Variants in AGBL4 observed in about 807,000 individuals in gnomAD.
AGBL4 encodes cytosolic carboxypeptidase 6.
AGBL4 carries 58 observed loss-of-function variants against 66.4 expected under a neutral mutation model. That is an observed-to-expected ratio of 0.87 (90% CI 0.71 to 1.09). The LOEUF is 1.09. Ranked by LOEUF, AGBL4 falls within the 50% of genes least tolerant of loss-of-function variation. AGBL4 has a pLI of 0.00. For synonymous variants in AGBL4, 234 were observed against 222.9 expected (o/e 1.05, Z -0.44); for missense variants, 579 against 631.0 (o/e 0.92, Z 0.88).
At chr1:49,478,997 T>A (rs1173486053) in intron 3 of AGBL4, among the ~76,000 whole-genome samples, 2 of 151,284 alleles carry the variant, frequency 1.3e-5, no homozygotes, top group East Asian at 3.9e-4. Flanking sequence ...ACATAAAAAA[T>A]AAAAAGCAAA....
intron 6 of AGBL4, 111 bp downstream of exon 6, chr1:48,867,080 C>T (rs898279258): frequency 6.7e-6 from 8 of 1,191,152 alleles, no homozygotes; most frequent in African/African-American, 4.6e-5. Context: ...AGAGTTCTGC[C>T]GTTCATTCAG....
At chr1:49,970,244 A>G (rs914276634) in intron 1 of AGBL4, among the ~76,000 whole-genome samples, 1 of 152,178 alleles carries the variant, frequency 6.6e-6, no homozygotes, top group Admixed American at 6.5e-5. Context: ...GGAAAAATAG[A>G]CAAATAGGAC....
intron 3 of AGBL4, among the ~76,000 whole-genome samples, chr1:49,393,828 A>G (rs960456939): frequency 6.6e-6 from 1 of 152,204 alleles, no homozygotes; most frequent in African/African-American, 2.4e-5. Flanking sequence ...GGATACATCT[A>G]TGACAGAGAA....
At chr1:49,884,537 T>C (rs1647807090) in intron 1 of AGBL4, among the ~76,000 whole-genome samples, 1 of 151,858 alleles carries the variant, frequency 6.6e-6, no homozygotes, top group African/African-American at 2.4e-5. Flanking sequence ...TGAAAAGTAA[T>C]GTAAAGTAAC....
chr1:49,312,267 A>G (rs1167699937), intron 3 of AGBL4, among the ~76,000 whole-genome samples: 1 of 152,068 alleles, frequency 6.6e-6, no homozygotes, highest in Non-Finnish European at 1.5e-5. Flanking sequence ...CCCTTCTGCC[A>G]TGTGAGGACA....
intron 3 of AGBL4, among the ~76,000 whole-genome samples, chr1:49,295,056 T>C (rs1318900563): frequency 6.6e-6 from 1 of 152,224 alleles, no homozygotes; most frequent in Non-Finnish European, 1.5e-5. Flanking sequence ...ATAAATAAAT[T>C]AATTGAATGT....
chr1:49,511,177 TCA>T (rs1649208874), intron 3 of AGBL4, among the ~76,000 whole-genome samples: 1 of 151,760 alleles, frequency 6.6e-6, no homozygotes, highest in Admixed American at 6.6e-5. Flanking sequence ...GCAGCATTAT[TCA>T]CAATAGCAAA....
At chr1:49,984,752 T>C (rs935580363) in intron 1 of AGBL4, among the ~76,000 whole-genome samples, 1 of 152,090 alleles carries the variant, frequency 6.6e-6, no homozygotes, top group Non-Finnish European at 1.5e-5. Flanking sequence ...ATATAAGATA[T>C]TACATAATTG....
intron 6 of AGBL4, among the ~76,000 whole-genome samples, chr1:48,760,458 G>T (rs560229424): frequency 1.3e-5 from 2 of 152,158 alleles, no homozygotes; most frequent in Admixed American, 1.3e-4. Flanking sequence ...TGACAAAATC[G>T]TAAGTCGTTT....
intron 1 of AGBL4, among the ~76,000 whole-genome samples, chr1:49,879,552 C>T (rs200814431): frequency 0.044 from 6,487 of 146,996 alleles, 136 homozygotes; most frequent in East Asian, 0.14. Context: ...ATGGGCTTCC[C>T]TTTGAGGGTA....
chr1:49,452,023 C>A (rs75969515), intron 3 of AGBL4, among the ~76,000 whole-genome samples: 131 of 151,956 alleles, frequency 8.6e-4, no homozygotes, highest in African/African-American at 3.1e-3. Context: ...CAATACTAAA[C>A]CTTCACCCAA....
intron 1 of AGBL4, among the ~76,000 whole-genome samples, chr1:50,011,934 T>C (rs995092199): frequency 1.3e-5 from 2 of 150,116 alleles, no homozygotes; most frequent in Admixed American, 6.6e-5. Flanking sequence ...CCGAGGCGGG[T>C]GGATCATGAG....
intron 3 of AGBL4, among the ~76,000 whole-genome samples, chr1:49,451,848 G>A (rs529406320): frequency 6.6e-6 from 1 of 151,978 alleles, no homozygotes; most frequent in Non-Finnish European, 1.5e-5. Flanking sequence ...CACCCATTGG[G>A]GAACCTGAAT....
intron 4 of AGBL4, among the ~76,000 whole-genome samples, chr1:49,167,742 A>G (rs1646660139): frequency 6.6e-6 from 1 of 152,232 alleles, no homozygotes; most frequent in African/African-American, 2.4e-5. Context: ...TATTTGTTTT[A>G]GAGAATGTTG....
chr1:49,517,365 G>C (rs1384299242), intron 3 of AGBL4, among the ~76,000 whole-genome samples: 1 of 151,808 alleles, frequency 6.6e-6, no homozygotes, highest in Non-Finnish European at 1.5e-5. Context: ...ATTTCTCCTA[G>C]TATCAGTAGC....
At chr1:49,948,027 A>ATAT (rs1655491900) in intron 1 of AGBL4, among the ~76,000 whole-genome samples, 11 of 75,872 alleles carry the variant, frequency 1.4e-4, no homozygotes, top group African/African-American at 7.6e-4. Context: ...AATATATATA[A>ATAT]ATATATATAC....
intron 2 of AGBL4, among the ~76,000 whole-genome samples, chr1:49,765,538 A>C (rs1180869242): frequency 3.3e-5 from 5 of 152,152 alleles, no homozygotes; most frequent in African/African-American, 1.2e-4. Context: ...AGCACCATGA[A>C]AAATCTCAAT....
At chr1:49,305,974 G>A (rs1288193427) in intron 3 of AGBL4, among the ~76,000 whole-genome samples, 2 of 152,168 alleles carry the variant, frequency 1.3e-5, no homozygotes, top group African/African-American at 4.8e-5. Context: ...ATAGTCGTAA[G>A]CCACCGTGCC....
chr1:49,375,239 G>C (rs1339246857), intron 3 of AGBL4, among the ~76,000 whole-genome samples: 1 of 152,052 alleles, frequency 6.6e-6, no homozygotes, highest in Non-Finnish European at 1.5e-5. Flanking sequence ...GAAGCATATG[G>C]GGGAAAGTCC....
Sources: gnomAD v4.1 joint callset for allele counts (sites outside exome capture counted in the v4.1 genomes callset) on GRCh38, gnomAD v4.1.1 for gene constraint, MANE v1.5 for transcripts, NCBI Gene and HGNC (gene_info 2026-07-23, HGNC 2026-07-21) for gene names.